Variants in MKLN1 observed in about 807,000 individuals in gnomAD.
The protein encoded by MKLN1 is muskelin.
A neutral mutation model predicts 99.0 loss-of-function variants in MKLN1; 18 were observed. That is an observed-to-expected ratio of 0.18 (90% CI 0.13 to 0.27). The LOEUF is 0.27. MKLN1 is among the 10% of genes least tolerant of loss of function. The pLI is 1.00. For missense variants in MKLN1, 621 were observed against 875.9 expected, an observed-to-expected ratio of 0.71 and a Z score of 3.67; for synonymous variants, 288 against 293.2, an observed-to-expected ratio of 0.98 and a Z score of 0.18.
intron 2 of MKLN1, among the ~76,000 whole-genome samples, chr7:131,192,436 A>C (rs987188613): frequency 3.0e-5 from 4 of 134,364 alleles, no homozygotes; most frequent in African/African-American, 8.4e-5. Context: ...TAAATATATA[A>C]AATATATACA....
intron 1 of MKLN1, among the ~76,000 whole-genome samples, chr7:131,334,662 T>G (rs1799198403): frequency 6.6e-6 from 1 of 152,222 alleles, no homozygotes. Flanking sequence ...AGATTTTTAA[T>G]AAATGATTTT....
intron 2 of MKLN1, among the ~76,000 whole-genome samples, chr7:131,385,060 T>C (rs1793968659): frequency 6.6e-6 from 1 of 152,222 alleles, no homozygotes; most frequent in Admixed American, 6.5e-5. Flanking sequence ...CAGCCCAGTT[T>C]TTGACAACCA....
chr7:131,296,532 C>G (rs1798294156), intron 3 of MKLN1, among the ~76,000 whole-genome samples: 1 of 152,032 alleles, frequency 6.6e-6, no homozygotes, highest in African/African-American at 2.4e-5. Context: ...TTTACAGTTG[C>G]CCCTTGAAGA....
At chr7:131,246,222 G>A (rs1037987347) in intron 3 of MKLN1, among the ~76,000 whole-genome samples, 3 of 152,212 alleles carry the variant, frequency 2.0e-5, no homozygotes, top group Non-Finnish European at 4.4e-5. Context: ...TCCATGAGGC[G>A]GCCCTCTGCA....
chr7:131,228,291 A>G (rs988819953), intron 3 of MKLN1, among the ~76,000 whole-genome samples: 56 of 152,138 alleles, frequency 3.7e-4, no homozygotes, highest in African/African-American at 1.1e-3. Context: ...GCAATAGAAC[A>G]TTCTTATCAG....
At chr7:131,474,213 A>G (rs746591252) in intron 16 of MKLN1, among the ~76,000 whole-genome samples, 15 of 152,226 alleles carry the variant, frequency 9.9e-5, no homozygotes, top group Non-Finnish European at 1.5e-4. Flanking sequence ...TATTTTAAAG[A>G]TAGAACCAAC....
intron 1 of MKLN1, among the ~76,000 whole-genome samples, chr7:131,137,775 A>C (rs1460502430): frequency 6.6e-6 from 1 of 151,818 alleles, no homozygotes; most frequent in Non-Finnish European, 1.5e-5. Flanking sequence ...GGGTTTCACC[A>C]TGTTGGCCAG....
intron 3 of MKLN1, among the ~76,000 whole-genome samples, chr7:131,255,329 C>G (rs1304675915): frequency 6.6e-6 from 1 of 151,906 alleles, no homozygotes; most frequent in Non-Finnish European, 1.5e-5. Context: ...AGAACCATAC[C>G]CAGACACATC....
chr7:131,193,433 T>G (rs1465668881), intron 2 of MKLN1, among the ~76,000 whole-genome samples: 1 of 152,154 alleles, frequency 6.6e-6, no homozygotes, highest in East Asian at 1.9e-4. Flanking sequence ...TGGTGCGATC[T>G]CAGCTCACTG....
chr7:131,270,532 C>G (rs1480176115), intron 3 of MKLN1, among the ~76,000 whole-genome samples: 2 of 152,156 alleles, frequency 1.3e-5, no homozygotes, highest in African/African-American at 4.8e-5. Context: ...ATGGTGGTAA[C>G]TTTTCACTGG....
At chr7:131,383,283 C>T (rs1016804139) in intron 2 of MKLN1, among the ~76,000 whole-genome samples, 3 of 152,128 alleles carry the variant, frequency 2.0e-5, no homozygotes, top group African/African-American at 7.2e-5. Context: ...TTTTCTTTGA[C>T]CAACAGAAAA....
At position 131,493,982 on chromosome 7, in the gene MKLN1, T is replaced by A. The variant is rs184440901; in HGVS notation, c.*6254T>A. The A allele has an allele frequency of 2.6e-4, 39 of 152,356 alleles. No individual in the cohort carries two copies. The highest frequency in any genetic ancestry group is 3.4e-3 in the Middle Eastern group (1 of 294). 9.4% of individuals were successfully genotyped at this position (152,356 alleles called of 1,614,324 possible). On this transcript the variant is annotated 3_prime_UTR_variant, in exon 18 of 18. Coordinates refer to ENST00000352689, the MANE Select transcript of MKLN1 (RefSeq NM_013255.5). ...TCAAAAAGCCAATTTTGAGCTTTAT[T>A]TCTCCGTTGTTAACAAATCTCAAGA...
Position 131,466,413 on chromosome 7 carries a change from C to A in MKLN1, c.1926C>A (p.His642Gln). The A allele has an allele frequency of 6.4e-7, 1 of 1,564,238 alleles. No individual in the cohort carries two copies. ...LRHCKYLIRK[H>Q]RFEEKAQVDP... Reference sequence around the variant, plus strand: ...ATTGCAAGTACCTCATAAGAAAACACAGGTATGAAAATAATTCACTGAAAA... The same window carrying A: ...ATTGCAAGTACCTCATAAGAAAACAAAGGTATGAAAATAATTCACTGAAAA... The change falls in exon 15 of 18, where the codon CAC (histidine) becomes CAA (glutamine). Residue 642 changes from histidine to glutamine, a missense_variant and splice_region_variant. This residue lies in a region of MKLN1 where 126 missense variants were observed against 157.4 expected (regional missense o/e 0.80). Transcript: ENST00000352689.
chr7:131,479,789 T>C (rs898168874), intron 17 of MKLN1, among the ~76,000 whole-genome samples: 7 of 151,754 alleles, frequency 4.6e-5, no homozygotes, highest in African/African-American at 1.7e-4. Context: ...ATTGCGCCAC[T>C]GCACTCCAGC....
chr7:131,187,062 C>T (rs1023335452), intron 2 of MKLN1, among the ~76,000 whole-genome samples: 2 of 152,180 alleles, frequency 1.3e-5, no homozygotes, highest in African/African-American at 2.4e-5. Flanking sequence ...AGGACTGGAG[C>T]GCCATCCTTA....
At position 131,414,629 on chromosome 7, in the gene MKLN1, A is replaced by G. The variant is rs758828437; in HGVS notation, c.782-16A>G. On this transcript the variant is annotated splice_polypyrimidine_tract_variant and intron_variant, in intron 7 of 17. Transcript: ENST00000352689. ...CTTTGTTATTCCTTTAAAAGAAACT[A>G]TTATTTCTTCTAAAGGTGATGGGGA... 8.3e-6 allele frequency: 13 copies of G among 1,571,004 alleles called. No individual in the cohort carries two copies. In the East Asian group the frequency reaches 1.4e-4, roughly 17 times the overall value.
chr7:131,368,171 G>A (rs902118591), intron 1 of MKLN1, among the ~76,000 whole-genome samples: 1 of 152,318 alleles, frequency 6.6e-6, no homozygotes, highest in Non-Finnish European at 1.5e-5. Flanking sequence ...TTGCAGGAGA[G>A]TGGAAATGGG....
chr7:131,257,144 C>T, intron 3 of MKLN1, among the ~76,000 whole-genome samples: 1 of 152,080 alleles, frequency 6.6e-6, no homozygotes, highest in South Asian at 2.1e-4. Context: ...CTATAAAATG[C>T]TCCAACCAAC....
chr7:131,194,451 C>G (rs1796613184), intron 2 of MKLN1, among the ~76,000 whole-genome samples: 1 of 152,122 alleles, frequency 6.6e-6, no homozygotes, highest in Non-Finnish European at 1.5e-5. Flanking sequence ...GTGCATATAA[C>G]AGGTGAGATA....
Sources: allele counts gnomAD v4.1 joint callset (sites outside exome capture counted in the v4.1 genomes callset), GRCh38; gene constraint gnomAD v4.1.1; regional missense constraint gnomAD v4.1.1; transcripts MANE v1.5; gene names NCBI Gene and HGNC (gene_info 2026-07-23, HGNC 2026-07-21).